PTPN22: variants seen among roughly 807,000 people sequenced by gnomAD.
PTPN22 encodes the protein protein tyrosine phosphatase non-receptor type 22, also known as tyrosine-protein phosphatase non-receptor type 22.
In PTPN22, 85 loss-of-function variants were observed where a neutral mutation model predicts 103.3. The observed-to-expected ratio is 0.82, with a 90% CI of 0.69 to 0.99. PTPN22 has a LOEUF of 0.99. PTPN22 is among the 50% of genes least tolerant of loss of function. The pLI is 0.00. For missense variants in PTPN22, 865 were observed against 936.9 expected (o/e 0.92, Z 1.00); for synonymous variants, 323 against 310.2 (o/e 1.04, Z -0.43).
intron 1 of PTPN22, among the ~76,000 whole-genome samples, chr1:113,863,921 AT>A (rs1224094370): frequency 1.0e-5 from 1 of 96,214 alleles, no homozygotes; most frequent in Non-Finnish European, 2.0e-5. Flanking sequence ...ATATATATAT[AT>A]ATATATTTTT....
At chr1:113,853,324 T>C (rs1664728363) in intron 9 of PTPN22, among the ~76,000 whole-genome samples, 1 of 151,904 alleles carries the variant, frequency 6.6e-6, no homozygotes, top group Non-Finnish European at 1.5e-5. Context: ...GTGAGCCACA[T>C]ATGTGATTTT....
chr1:113,849,874 C>T (rs1664406895), intron 10 of PTPN22, among the ~76,000 whole-genome samples: 1 of 152,016 alleles, frequency 6.6e-6, no homozygotes, highest in African/African-American at 2.4e-5. Context: ...TAGGGGTGAG[C>T]CACCACATCT....
intron 15 of PTPN22, among the ~76,000 whole-genome samples, 154 bp downstream of exon 15, chr1:113,834,155 T>C (rs1283567739): frequency 6.6e-6 from 1 of 152,244 alleles, no homozygotes; most frequent in Non-Finnish European, 1.5e-5. Flanking sequence ...AAGAATTGTG[T>C]CTTATACATC....
chr1:113,830,482 A>G (rs1371242868), intron 16 of PTPN22, among the ~76,000 whole-genome samples: 1 of 152,152 alleles, frequency 6.6e-6, no homozygotes, highest in Non-Finnish European at 1.5e-5. Flanking sequence ...GAAAATATTA[A>G]AAAAAGAAGG....
At chr1:113,859,503 G>T in intron 1 of PTPN22, 43 bp from the exon 2 acceptor site, 2 of 1,473,316 alleles carry the variant, frequency 1.4e-6, no homozygotes, top group East Asian at 2.3e-5. Context: ...CTAGAGAAAT[G>T]AGGTAAGAAG....
intron 19 of PTPN22, among the ~76,000 whole-genome samples, chr1:113,823,760 A>G (rs1266182783): frequency 6.6e-6 from 1 of 152,172 alleles, no homozygotes; most frequent in Non-Finnish European, 1.5e-5. Context: ...TGGCTGTTTT[A>G]TTTCCCCTGT....
Position 113,866,225 on chromosome 1 carries a change from T to C in PTPN22, c.87+5312A>G, listed in dbSNP as rs545133162. 2.0e-5 allele frequency among the ~76,000 whole-genome samples: 3 copies of C among 152,228 alleles called. No individual in the cohort carries two copies. In the East Asian group the frequency reaches 5.8e-4, roughly 29 times the overall value. ...ATTATTCTTTCATTATAAAACCAGA[T>C]GGACAGGCTGGGCGCGGTGGCTCAC... On this transcript the variant is annotated intron_variant, in intron 1 of 20. Transcript: ENST00000359785.
At chr1:113,846,601 C>T (rs536082986) in intron 11 of PTPN22, among the ~76,000 whole-genome samples, 8 of 152,220 alleles carry the variant, frequency 5.3e-5, no homozygotes, top group East Asian at 1.9e-4. Context: ...CATTCCCTTT[C>T]GGTTTAGAAA....
In PTPN22 at chr1:113,819,563, A is replaced by G. The variant is rs997564948; in HGVS notation, c.2359+14T>C. 1.8e-5 allele frequency: 28 copies of G among 1,572,680 alleles called. No individual in the cohort carries two copies. The highest frequency in any genetic ancestry group is 4.1e-5 in the African/African-American group (3 of 74,060). On this transcript the variant is annotated intron_variant, in intron 20 of 20. Coordinates refer to ENST00000359785, the Ensembl canonical transcript of PTPN22. The stretch of plus-strand genomic sequence containing the variant: ...GGTAATTTTTTTAACTCTTCAGTAA[A>G]ATAACACACATACCAAAATTCAGAA...
intron 19 of PTPN22, among the ~76,000 whole-genome samples, chr1:113,821,334 T>G (rs927375455): frequency 6.6e-6 from 1 of 151,492 alleles, no homozygotes; most frequent in African/African-American, 2.4e-5. Context: ...TGTTTTGGGG[T>G]TTTTTTTGAG....
rs561235694 is a variant in PTPN22, at chr1:113,825,018, T to C, written c.2281+124A>G. ...GCCTATGGGTGATTGTTCTGATTCA[T>C]AGGACCCTATGGAGGCTCTGTTTAG... On this transcript the variant is annotated intron_variant, in intron 19 of 20. Transcript: ENST00000359785. 3.8e-4 allele frequency: 202 copies of C among 531,808 alleles called. 2 individuals carry two copies. Among genetic ancestry groups the C allele is most frequent in the African/African-American group, 3.5e-3 (170 of 48,112 alleles). The allele number at this position is 531,808 out of a possible 1,614,324, so 32.9% of individuals were successfully genotyped here.
chr1:113,845,521 A>T (rs981699479), intron 11 of PTPN22, among the ~76,000 whole-genome samples: 2 of 152,070 alleles, frequency 1.3e-5, no homozygotes, highest in East Asian at 1.9e-4. Context: ...ATTTAAAAAA[A>T]TTTTTCAAAT....
At chr1:113,871,324 T>C (rs1297661143) in intron 1 of PTPN22, among the ~76,000 whole-genome samples, 1 of 152,106 alleles carries the variant, frequency 6.6e-6, no homozygotes, top group Non-Finnish European at 1.5e-5. Flanking sequence ...TCCAAAGAAC[T>C]AGCAAACAAA....
chr1:113,819,798 A>G (rs1307304459), intron 19 of PTPN22, 144 bp from the exon 20 acceptor site: 1 of 475,116 alleles, frequency 2.1e-6, no homozygotes. Flanking sequence ...GTAGGTGCTT[A>G]CAAATGGGTT....
chr1:113,853,352 C>CT (rs1314425403), intron 9 of PTPN22, among the ~76,000 whole-genome samples: 16,360 of 130,258 alleles, frequency 0.13, 1,284 homozygotes, highest in Non-Finnish European at 0.18. Context: ...CTTTTTCTTT[C>CT]TTTTTTTTTT....
exon 3 of PTPN22, chr1:113,859,048 A>G (rs1300814889): frequency 1.9e-6 from 3 of 1,614,070 alleles, no homozygotes; most frequent in South Asian, 1.1e-5. Flanking sequence ...ATCAGAGGTT[A>G]TCAGGGATAG....
exon 13 of PTPN22, chr1:113,838,112 G>T: frequency 6.2e-7 from 1 of 1,613,992 alleles, no homozygotes; most frequent in Non-Finnish European, 8.5e-7. Context: ...GCATTTACAG[G>T]TTTAGAATTA....
chr1:113,838,322 C>G, exon 13 of PTPN22: 1 of 1,611,890 alleles, frequency 6.2e-7, no homozygotes, highest in Non-Finnish European at 8.5e-7. Context: ...GCACTTATTT[C>G]AGAAGTCCTA....
At position 113,829,722 on chromosome 1, in the gene PTPN22, A is replaced by G. The variant is rs772626335; in HGVS notation, c.2135-15T>C. The G allele has an allele frequency of 5.2e-6, 6 of 1,153,012 alleles. No individual in the cohort carries two copies. The highest frequency in any genetic ancestry group is 7.5e-6 in the Non-Finnish European group (6 of 795,578). 71.4% of individuals were successfully genotyped at this position (1,153,012 alleles called of 1,614,324 possible). A position where few individuals can be genotyped will look rare whatever the true frequency, so the allele number is the denominator to read the frequency against. On this transcript the variant is annotated splice_polypyrimidine_tract_variant and intron_variant, in intron 17 of 20. Transcript: ENST00000359785. ...GGCCTGCATACCTTAAAAAAAAAAAAGGAGAAAAACATGTTCCATTGCATA... is the reference window on the plus strand; with the variant it reads ...GGCCTGCATACCTTAAAAAAAAAAAGGGAGAAAAACATGTTCCATTGCATA...
Sources: allele counts gnomAD v4.1 joint callset (sites outside exome capture counted in the v4.1 genomes callset), GRCh38; gene constraint gnomAD v4.1.1; transcripts MANE v1.5; gene names NCBI Gene and HGNC (gene_info 2026-07-23, HGNC 2026-07-21).